Variants in PLD1 observed in about 807,000 individuals in gnomAD.
PLD1 encodes choline phosphatase 1.
A neutral mutation model predicts 137.1 loss-of-function variants in PLD1; 112 were observed. That is an observed-to-expected ratio of 0.82 (90% confidence interval 0.70 to 0.96). The LOEUF (loss-of-function observed/expected upper bound fraction) is 0.96. PLD1 is among the 40% of genes least tolerant of loss of function. The pLI, the probability that PLD1 is intolerant of heterozygous loss-of-function variation, is 0.00. For missense variants in PLD1, 1,321 were observed against 1,342.0 expected, an observed-to-expected ratio of 0.98 and a Z score of 0.24; for synonymous variants, 431 against 454.7, an observed-to-expected ratio of 0.95 and a Z score of 0.66.
intron 1 of PLD1, among the ~76,000 whole-genome samples, chr3:171,760,816 G>A (rs1302071847): frequency 6.6e-6 from 1 of 152,220 alleles, no homozygotes; most frequent in African/African-American, 2.4e-5. Flanking sequence ...CAAGTTCCCA[G>A]CCCAAATGAG....
chr3:171,734,500 G>A (rs1719197118), intron 5 of PLD1, among the ~76,000 whole-genome samples: 1 of 152,030 alleles, frequency 6.6e-6, no homozygotes, highest in Non-Finnish European at 1.5e-5. Context: ...ATTTAAGATG[G>A]GCTATTACAA....
chr3:171,612,135 G>T lies in PLD1; in HGVS notation c.2882+144C>A. On this transcript the variant is annotated intron_variant, in intron 25 of 26. Coordinates refer to ENST00000351298, the MANE Select transcript of PLD1 (RefSeq NM_002662.5). This position sits in a 1 kb window ranked among gnomAD's most constrained non-coding sequence, Gnocchi z 4.1. ...CCTAAAGTCATTTCGCATACTACTG[G>T]TGGTACATATCCTATATTCTGGGAC... 6.3e-6 allele frequency: 4 copies of T among 638,556 alleles called. No homozygotes were observed. Among genetic ancestry groups the T allele is most frequent in the East Asian group, 2.6e-5 (1 of 37,738 alleles). The allele number at this position is 638,556 out of a possible 1,614,324, so 39.6% of individuals were successfully genotyped here. A position where few individuals can be genotyped will look rare whatever the true frequency, so the allele number is the denominator to read the frequency against.
chr3:171,767,241 C>G (rs984287029), intron 1 of PLD1, among the ~76,000 whole-genome samples: 6 of 152,228 alleles, frequency 3.9e-5, no homozygotes, highest in African/African-American at 1.4e-4. Context: ...GGGCTATTCT[C>G]CATACGGCCT....
At chr3:171,792,467 T>G in intron 1 of PLD1, 1 of 401,190 alleles carries the variant, frequency 2.5e-6, no homozygotes, top group Middle Eastern at 3.6e-4. Context: ...CCATCAGGCA[T>G]TCAGTACCAC....
chr3:171,760,669 C>T (rs958772202), intron 1 of PLD1, among the ~76,000 whole-genome samples: 1 of 152,180 alleles, frequency 6.6e-6, no homozygotes, highest in Non-Finnish European at 1.5e-5. Context: ...CCACTGCAAC[C>T]TGGAGACACA....
intron 1 of PLD1, among the ~76,000 whole-genome samples, chr3:171,787,695 A>G (rs1723061691): frequency 6.6e-6 from 1 of 152,184 alleles, no homozygotes; most frequent in Non-Finnish European, 1.5e-5. Flanking sequence ...GGCATGGTAC[A>G]AACAAGGAAG....
intron 21 of PLD1, among the ~76,000 whole-genome samples, chr3:171,652,327 G>A (rs1386426518): frequency 6.6e-6 from 1 of 151,540 alleles, no homozygotes; most frequent in Non-Finnish European, 1.5e-5. Context: ...GCAGGAGAAT[G>A]GCGTGAACCC....
At chr3:171,609,751 T>C (rs968959844) in intron 25 of PLD1, among the ~76,000 whole-genome samples, 26 of 151,772 alleles carry the variant, frequency 1.7e-4, no homozygotes, top group African/African-American at 6.3e-4. Flanking sequence ...CTCCAAAAGG[T>C]GGGTGGGTAG....
intron 1 of PLD1, chr3:171,793,795 G>A (rs187866046): frequency 6.6e-6 from 1 of 152,188 alleles, no homozygotes; most frequent in Non-Finnish European, 1.5e-5. Context: ...ATGTCACACT[G>A]CCTAGGTTAT....
In PLD1 at chr3:171,603,137, T is replaced by C; in HGVS notation, c.3166A>G (p.Ser1056Gly). 1 of 1,614,126 alleles carries C rather than the reference T, an allele frequency of 6.2e-7. No individual in the cohort carries two copies. Among genetic ancestry groups the C allele is most frequent in the Non-Finnish European group, 8.5e-7 (1 of 1,179,984 alleles). Reference sequence around the variant, plus strand: ...TTGGTCCCAACAGAAGGCAGTAGGCTTTCTTCAGACAAGAAATAAAAGGGG... The same window carrying C: ...TTGGTCCCAACAGAAGGCAGTAGGCCTTCTTCAGACAAGAAATAAAAGGGG... ...QFPFYFLSEE[S>G]LLPSVGTKEA... Residue 1056 changes from serine (S) to glycine (G), a missense_variant, in exon 27 of 27, where the codon AGC becomes GGC. By Grantham distance (56) the Ser-to-Gly change is moderately conservative. Transcript: ENST00000351298.
At chr3:171,716,246 A>G (rs1717675455) in intron 8 of PLD1, among the ~76,000 whole-genome samples, 4 of 152,208 alleles carry the variant, frequency 2.6e-5, no homozygotes, top group Admixed American at 6.5e-5. Context: ...TCCTCTGGGT[A>G]TATATCCAAT....
chr3:171,661,693 T>C (rs1399405455), intron 20 of PLD1, among the ~76,000 whole-genome samples: 1 of 152,188 alleles, frequency 6.6e-6, no homozygotes, highest in Non-Finnish European at 1.5e-5. Flanking sequence ...CTCACCCCTG[T>C]GTGTGCTCTC....
chr3:171,795,299 C>T (rs557182133), intron 1 of PLD1, among the ~76,000 whole-genome samples: 40 of 152,290 alleles, frequency 2.6e-4, no homozygotes, highest in African/African-American at 7.9e-4. Context: ...GAAGTGGGGC[C>T]GCCTTTATTC....
chr3:171,700,209 C>A (rs1027795866), intron 11 of PLD1, among the ~76,000 whole-genome samples: 4 of 152,120 alleles, frequency 2.6e-5, no homozygotes, highest in Non-Finnish European at 5.9e-5. Flanking sequence ...TTCCCAGACT[C>A]CTGTGCAGCT....
intron 11 of PLD1, among the ~76,000 whole-genome samples, chr3:171,701,671 A>G (rs1716248668): frequency 1.3e-5 from 2 of 152,370 alleles, no homozygotes; most frequent in South Asian, 2.1e-4. Context: ...ATCATGCTAT[A>G]AAAGTATAAA....
chr3:171,694,810 T>C (rs561656335), intron 12 of PLD1, among the ~76,000 whole-genome samples: 1 of 152,280 alleles, frequency 6.6e-6, no homozygotes, highest in African/African-American at 2.4e-5. Context: ...AATAGAGATA[T>C]TAACACTAAT....
intron 8 of PLD1, among the ~76,000 whole-genome samples, chr3:171,715,025 T>A (rs1717564382): frequency 6.6e-6 from 1 of 152,122 alleles, no homozygotes; most frequent in Non-Finnish European, 1.5e-5. Context: ...CCAAACAAAG[T>A]TTCTCATTTG....
Position 171,797,436 on chromosome 3 carries a change from A to C in PLD1, c.-32+12963T>G, listed in dbSNP as rs146912024. On this transcript the variant is annotated intron_variant, in intron 1 of 26. Transcript: ENST00000351298. Reference sequence around the variant, plus strand: ...CAGCATTATCTCGGAGCTTGTTAGAATTGCAAATTCTCTGCCCAGCCCAGA... The same window carrying C: ...CAGCATTATCTCGGAGCTTGTTAGACTTGCAAATTCTCTGCCCAGCCCAGA... 4.8e-3 allele frequency among the ~76,000 whole-genome samples: 735 copies of C among 152,262 alleles called. 10 individuals carry two copies. Among genetic ancestry groups the C allele is most frequent in the African/African-American group, 0.017 (707 of 41,544 alleles).
chr3:171,746,743 C>T (rs1052245182), intron 1 of PLD1, among the ~76,000 whole-genome samples: 2 of 151,266 alleles, frequency 1.3e-5, no homozygotes, highest in Non-Finnish European at 2.9e-5. Flanking sequence ...CAAAATGGAC[C>T]AATCAGTTCT....
Sources: allele counts gnomAD v4.1 joint callset (sites outside exome capture counted in the v4.1 genomes callset), GRCh38; gene constraint gnomAD v4.1.1; non-coding constraint Gnocchi (gnomAD v3.1); transcripts MANE v1.5; gene names NCBI Gene and HGNC (gene_info 2026-07-23, HGNC 2026-07-21).